Variants in JCAD observed in about 807,000 individuals in gnomAD.
JCAD encodes junctional cadherin 5-associated protein.
JCAD carries 40 observed loss-of-function variants against 98.0 expected under a neutral mutation model. The observed-to-expected ratio is 0.41, with a 90% CI of 0.32 to 0.53. The LOEUF is 0.53. Ranked by LOEUF, JCAD falls within the 20% of genes least tolerant of loss-of-function variation. The probability of loss-of-function intolerance (pLI) is 0.31; values close to 1 mark genes in which losing one functional copy is unlikely to be tolerated. For missense variants in JCAD, 1,705 were observed against 1,738.1 expected, an observed-to-expected ratio of 0.98 and a Z score of 0.34; for synonymous variants, 691 against 682.3, an observed-to-expected ratio of 1.01 and a Z score of -0.20.
chr10:30,028,174 G>C lies in JCAD; in HGVS notation c.1974C>G (p.Asp658Glu), dbSNP rs1228796559. The C allele has an allele frequency of 8.7e-6, 14 of 1,614,086 alleles. No homozygotes were observed. Among genetic ancestry groups the C allele is most frequent in the Non-Finnish European group, 1.0e-5 (12 of 1,180,050 alleles). ...QKQDLGEPEE[D>E]RQTNDLSFIH... ...TGAAACTGAGGTCATTTGTTTGTCT[G>C]TCTTCTTCTGGTTCCCCTAGATCTT... is the stretch of plus-strand genomic sequence containing the variant. Residue 658 changes from aspartate (D) to glutamate (E), a missense_variant, in exon 3 of 4, where the codon GAC becomes GAG. Asp to Glu is a conservative substitution (Grantham distance 45). Transcript: ENST00000375377.
intron 1 of JCAD, among the ~76,000 whole-genome samples, chr10:30,109,901 C>T (rs2132719436): frequency 6.6e-6 from 1 of 151,716 alleles, no homozygotes; most frequent in East Asian, 1.9e-4. Flanking sequence ...GATGTATGGA[C>T]CAGTTGATAT....
At chr10:30,032,360 G>A (rs1361480791) in intron 2 of JCAD, among the ~76,000 whole-genome samples, 1 of 152,200 alleles carries the variant, frequency 6.6e-6, no homozygotes, top group African/African-American at 2.4e-5. Context: ...CTAGCATGCG[G>A]GGAGAGTTCA....
chr10:30,035,479 T>C (rs1359846944), intron 2 of JCAD, among the ~76,000 whole-genome samples: 2 of 152,276 alleles, frequency 1.3e-5, no homozygotes, highest in East Asian at 3.8e-4. Context: ...GGCTGGGCTC[T>C]GACAGGTGCA....
intron 1 of JCAD, among the ~76,000 whole-genome samples, chr10:30,052,179 G>T (rs1837484110): frequency 6.6e-6 from 1 of 152,208 alleles, no homozygotes; most frequent in African/African-American, 2.4e-5. Context: ...CATGGGGCTG[G>T]GTTACCTCCC....
At chr10:30,052,995 C>T (rs1276080929) in intron 1 of JCAD, among the ~76,000 whole-genome samples, 1 of 151,936 alleles carries the variant, frequency 6.6e-6, no homozygotes, top group Non-Finnish European at 1.5e-5. Flanking sequence ...TAAAATTGGC[C>T]TAGAACACAA....
chr10:30,052,637 A>T (rs77862953), intron 1 of JCAD, among the ~76,000 whole-genome samples: 3 of 152,200 alleles, frequency 2.0e-5, no homozygotes, highest in African/African-American at 7.2e-5. Context: ...TCTCCATCCC[A>T]GAGTGCGGGT....
chr10:30,073,647 GTCCT>G (rs60380450), intron 1 of JCAD, among the ~76,000 whole-genome samples: 7,446 of 138,578 alleles, frequency 0.054, 323 homozygotes, highest in East Asian at 0.23. Flanking sequence ...TAGCAAGATT[GTCCT>G]TCCTTCCTTC....
At chr10:30,053,169 G>A (rs1837502660) in intron 1 of JCAD, among the ~76,000 whole-genome samples, 1 of 152,064 alleles carries the variant, frequency 6.6e-6, no homozygotes, top group African/African-American at 2.4e-5. Flanking sequence ...GTTGGTAAGG[G>A]CATGAGGAGC....
chr10:30,061,741 T>C (rs554898950), upstream of JCAD, among the ~76,000 whole-genome samples: 84 of 152,064 alleles, frequency 5.5e-4, 1 homozygote, highest in African/African-American at 2.0e-3. Flanking sequence ...CTTTTTTTTT[T>C]TTTTCTGGGG....
chr10:30,047,708 A>C lies in JCAD; in HGVS notation c.105T>G (p.Thr35=), dbSNP rs779105859. Residue 35 remains threonine (T), a synonymous_variant, in exon 2 of 4, where the codon ACT becomes ACG. Transcript: ENST00000375377. ...DNPKGRQAAR[T]GTRAGQGLQN... is the part of the protein sequence containing the mutation. ...GCAGGCCCTGGCCTGCTCGTGTCCC[A>C]GTCCTCGCTGCCTGGCGCCCCTTGG... The C allele has an allele frequency of 2.5e-6, 4 of 1,614,078 alleles. No individual in the cohort carries two copies. The highest frequency in any genetic ancestry group is 1.7e-5 in the Admixed American group (1 of 60,010).
intron 3 of JCAD, among the ~76,000 whole-genome samples, chr10:30,018,120 T>A (rs1378712093): frequency 6.6e-6 from 1 of 152,178 alleles, no homozygotes; most frequent in Non-Finnish European, 1.5e-5. Flanking sequence ...TTGTGCATAG[T>A]CATTACCCAA....
At chr10:30,086,558 G>A (rs1054178357) in intron 1 of JCAD, among the ~76,000 whole-genome samples, 2 of 152,178 alleles carry the variant, frequency 1.3e-5, no homozygotes, top group African/African-American at 4.8e-5. Context: ...CACAAATCCT[G>A]ATCATTAATT....
chr10:30,026,431 C>T lies in JCAD; in HGVS notation c.3717G>A (p.Val1239=). ...SEKRLRSPSK[V]IESLQEKLAS... ...CCAGTTTCTCTTGTAAACTTTCAAT[C>T]ACTTTGGAAGGGCTTCTAAGTCTCT... Residue 1239 remains valine, a synonymous_variant, in exon 3 of 4, where the codon GTG becomes GTA. Transcript: ENST00000375377. 6.2e-7 allele frequency: 1 copy of T among 1,614,256 alleles called. No individual in the cohort carries two copies. The highest frequency in any genetic ancestry group is 8.5e-7 in the Non-Finnish European group (1 of 1,180,052).
At position 30,046,346 on chromosome 10, in the gene JCAD, C is replaced by T. The variant is rs117254215; in HGVS notation, c.281+1186G>A. On this transcript the variant is annotated intron_variant, in intron 2 of 3. Coordinates refer to ENST00000375377, the MANE Select transcript of JCAD (RefSeq NM_020848.4). ...TACCATCCTGTTCCCCTAGCTAAAC[C>T]GCCCTCTCTTTTTGTTGTAAGGAAA... is the stretch of plus-strand genomic sequence containing the variant. Among the ~76,000 whole-genome samples, 1,180 of 152,232 alleles carry T rather than the reference C, an allele frequency of 7.8e-3. 6 individuals carry two copies. Among genetic ancestry groups the T allele is most frequent in the South Asian group, 0.013 (61 of 4,816 alleles).
At chr10:30,062,676 G>A (rs941193914), upstream of JCAD, among the ~76,000 whole-genome samples, 16 of 152,240 alleles carry the variant, frequency 1.1e-4, no homozygotes, top group African/African-American at 3.1e-4. Flanking sequence ...AAGCAAAGGC[G>A]CGCCTTACGT....
intron 2 of JCAD, among the ~76,000 whole-genome samples, chr10:30,067,651 T>C (rs1837808068): frequency 6.6e-6 from 1 of 152,174 alleles, no homozygotes; most frequent in Non-Finnish European, 1.5e-5. Context: ...GTTTTAATGT[T>C]TCTTATGTGC....
Position 30,028,734 on chromosome 10 carries a change from C to A in JCAD, c.1414G>T (p.Gly472Cys). The A allele has an allele frequency of 6.2e-7, 1 of 1,614,054 alleles. No individual in the cohort carries two copies. The highest frequency in any genetic ancestry group is 8.5e-7 in the Non-Finnish European group (1 of 1,179,952). ...AAGCTCTGTGGATTCCAAATGGCAC[C>A]ATCAGGCTGCATTCCTCCATGAGCC... ...EPAHGGMQPDGAIWNPQSLIP... is the reference protein window; with the variant it reads ...EPAHGGMQPDCAIWNPQSLIP... The change falls in exon 3 of 4, where the codon GGT (glycine) becomes TGT (cysteine). Residue 472 changes from glycine (G) to cysteine (C), a missense_variant. Gly to Cys is a radical substitution (Grantham distance 159, BLOSUM62 -3). Transcript: ENST00000375377.
At chr10:30,030,846 T>C (rs1589683754) in intron 2 of JCAD, among the ~76,000 whole-genome samples, 1 of 151,724 alleles carries the variant, frequency 6.6e-6, no homozygotes, top group African/African-American at 2.4e-5. Flanking sequence ...AAAATCCAGA[T>C]GCCAGGCAGT....
intron 2 of JCAD, among the ~76,000 whole-genome samples, chr10:30,039,427 GCCTCATCTGTA>G (rs1837196069): frequency 6.6e-6 from 1 of 152,238 alleles, no homozygotes; most frequent in Admixed American, 6.5e-5. Flanking sequence ...GGCTTCTGAT[GCCTCATCTGTA>G]CTGCAGGGAC....
Sources: gnomAD v4.1 joint callset for allele counts (sites outside exome capture counted in the v4.1 genomes callset) on GRCh38, gnomAD v4.1.1 for gene constraint, MANE v1.5 for transcripts, NCBI Gene and HGNC (gene_info 2026-07-23, HGNC 2026-07-21) for gene names.